Variants in SH3RF2 observed in about 807,000 individuals in gnomAD.
The protein encoded by SH3RF2 is E3 ubiquitin-protein ligase SH3RF2.
In SH3RF2, 43 loss-of-function variants were observed where a neutral mutation model predicts 59.0. That is an observed-to-expected ratio of 0.73 (90% CI 0.57 to 0.94). The LOEUF (loss-of-function observed/expected upper bound fraction) is 0.94, where lower values mean the gene tolerates loss of function less well. SH3RF2 is among the 40% of genes least tolerant of loss of function. The probability of loss-of-function intolerance (pLI) is 0.00; values close to 1 mark genes in which losing one functional copy is unlikely to be tolerated. For missense variants in SH3RF2, 930 were observed against 940.1 expected (o/e 0.99, Z 0.14); for synonymous variants, 391 against 391.5 (o/e 1.00, Z 0.01).
At chr5:146,013,639 G>A in intron 4 of SH3RF2, 108 bp from the exon 5 acceptor site, 1 of 1,136,108 alleles carries the variant, frequency 8.8e-7, no homozygotes, top group East Asian at 2.4e-5. Flanking sequence ...CTGAGCCAGT[G>A]ACTGAGGAGG....
intron 5 of SH3RF2, among the ~76,000 whole-genome samples, chr5:146,024,274 C>A (rs1416707586): frequency 6.6e-6 from 1 of 152,172 alleles, no homozygotes; most frequent in Non-Finnish European, 1.5e-5. Context: ...TTGCAGCCAT[C>A]CAATTGGGTG....
At chr5:145,972,304 A>C (rs1374506287) in intron 2 of SH3RF2, among the ~76,000 whole-genome samples, 2 of 152,236 alleles carry the variant, frequency 1.3e-5, no homozygotes, top group African/African-American at 4.8e-5. Flanking sequence ...AGGATGGGGA[A>C]TATTCCAGCA....
chr5:146,004,044 A>G lies in SH3RF2; in HGVS notation c.649-14A>G, dbSNP rs1360710353. Reference sequence around the variant, plus strand: ...AATGAGAGTAAATGCTGACCATGAGACTTTCTCTTTCAGGACGATATCATC... The same window carrying G: ...AATGAGAGTAAATGCTGACCATGAGGCTTTCTCTTTCAGGACGATATCATC... On this transcript the variant is annotated splice_polypyrimidine_tract_variant and intron_variant, in intron 3 of 9. Transcript: ENST00000359120. 1.9e-6 allele frequency: 3 copies of G among 1,609,248 alleles called. No homozygotes were observed. The highest frequency in any genetic ancestry group is 3.3e-5 in the Admixed American group (2 of 59,804).
At chr5:145,974,552 G>T (rs950355979) in intron 2 of SH3RF2, among the ~76,000 whole-genome samples, 1 of 152,286 alleles carries the variant, frequency 6.6e-6, no homozygotes, top group African/African-American at 2.4e-5. Context: ...TTATGAGCAA[G>T]GTACTGTGCC....
chr5:145,953,399 T>A (rs988781154), intron 2 of SH3RF2, among the ~76,000 whole-genome samples: 1 of 152,006 alleles, frequency 6.6e-6, no homozygotes, highest in African/African-American at 2.4e-5. Context: ...TTCTGGAAAC[T>A]GAGAGAAAAC....
Position 146,018,219 on chromosome 5 carries a change from A to G in SH3RF2, c.1059+4158A>G, listed in dbSNP as rs535942332. On this transcript the variant is annotated intron_variant, in intron 5 of 9. Transcript: ENST00000359120. ...ACCGGAGTAGCCTCCATTGTATCCA[A>G]TAGATAATTTTTCTTCCCTTAACCA... is the stretch of plus-strand genomic sequence containing the variant. Among the ~76,000 whole-genome samples the G allele has an allele frequency of 4.6e-5, 7 of 152,206 alleles. No individual in the cohort carries two copies. In the East Asian group the frequency reaches 9.7e-4, roughly 21 times the overall value.
intron 5 of SH3RF2, chr5:146,043,012 C>G (rs1380403904): frequency 6.6e-6 from 1 of 152,186 alleles, no homozygotes; most frequent in Non-Finnish European, 1.5e-5. Flanking sequence ...GGGAAAGGAA[C>G]CAGGGCCAGG....
chr5:145,951,618 G>T (rs1758195736), intron 2 of SH3RF2, among the ~76,000 whole-genome samples: 1 of 152,162 alleles, frequency 6.6e-6, no homozygotes, highest in Non-Finnish European at 1.5e-5. Context: ...CCAGTTTGGG[G>T]AAGTTTTCTG....
At chr5:145,958,974 C>T (rs1339430089) in intron 2 of SH3RF2, among the ~76,000 whole-genome samples, 10 of 152,176 alleles carry the variant, frequency 6.6e-5, no homozygotes, top group Admixed American at 6.5e-4. Flanking sequence ...CATGGTCTCA[C>T]AGTTTATGGC....
chr5:146,064,843 A>G (rs1427018796), downstream of SH3RF2, among the ~76,000 whole-genome samples: 3 of 16,116 alleles, frequency 1.9e-4, no homozygotes, highest in Admixed American at 2.8e-3. Context: ...AAAGAAAGAA[A>G]GAAAGAAAGA....
intron 2 of SH3RF2, among the ~76,000 whole-genome samples, chr5:145,976,543 T>C (rs1460365967): frequency 6.6e-6 from 1 of 152,048 alleles, no homozygotes; most frequent in Non-Finnish European, 1.5e-5. Flanking sequence ...ACTCCCTAAA[T>C]TGAAAGAAAG....
At chr5:146,005,871 A>AC (rs34750869) in intron 4 of SH3RF2, among the ~76,000 whole-genome samples, 1 of 151,068 alleles carries the variant, frequency 6.6e-6, no homozygotes, top group Admixed American at 6.6e-5. Context: ...AAAAAAAAAA[A>AC]GCTTAGCAAG....
chr5:145,938,063 A>T lies in SH3RF2; in HGVS notation c.135A>T (p.Lys45Asn). 2 of 1,614,238 alleles carry T rather than the reference A, an allele frequency of 1.2e-6. No individual in the cohort carries two copies. Among genetic ancestry groups the T allele is most frequent in the Non-Finnish European group, 1.7e-6 (2 of 1,180,032 alleles). Reference protein sequence around the residue: ...PCLQRVFKAHKELRCPECRTP... With the variant: ...PCLQRVFKAHNELRCPECRTP... ...TACAGAGGGTTTTCAAGGCCCACAA[A>T]GAGCTGCGGTGCCCCGAATGCAGGA... is the stretch of plus-strand genomic sequence containing the variant. The change falls in exon 2 of 10, where the codon AAA becomes AAT. Residue 45 changes from lysine (K) to asparagine (N), a missense_variant. By Grantham distance (94) the Lys-to-Asn change is moderately conservative (BLOSUM62 0). Transcript: ENST00000359120.
chr5:146,049,629 C>T (rs1038008313), intron 7 of SH3RF2, among the ~76,000 whole-genome samples: 2 of 152,030 alleles, frequency 1.3e-5, no homozygotes, highest in African/African-American at 2.4e-5. Flanking sequence ...CATCTAGTGG[C>T]GTGATGGGAA....
In SH3RF2 at chr5:146,062,546, G is replaced by C. The variant is rs769740741; in HGVS notation, c.2035G>C (p.Ala679Pro). 14 of 1,614,038 alleles carry C rather than the reference G, an allele frequency of 8.7e-6. No individual in the cohort carries two copies. In the East Asian group the frequency reaches 3.1e-4, roughly 36 times the overall value. Reference protein sequence around the residue: ...ATLKASQPEAASLGPEMTVLF... With the variant: ...ATLKASQPEAPSLGPEMTVLF... The stretch of plus-strand genomic sequence containing the variant: ...CCTCAAGGCGTCCCAGCCTGAAGCA[G>C]CGTCCTTGGGCCCAGAGATGACCGT... Residue 679 changes from alanine to proline, a missense_variant, in exon 10 of 10, where the codon GCG becomes CCG. By Grantham distance (27) the Ala-to-Pro change is conservative. Transcript: ENST00000359120.
chr5:146,079,622 A>G (rs1445310992), exon 10 of SH3RF2: 1 of 152,220 alleles, frequency 6.6e-6, no homozygotes, highest in Non-Finnish European at 1.5e-5. Context: ...CCATGAGCAG[A>G]GTAAGGATTG....
chr5:145,990,259 T>C (rs79256330), intron 2 of SH3RF2, among the ~76,000 whole-genome samples: 5,793 of 152,230 alleles, frequency 0.038, 358 homozygotes, highest in African/African-American at 0.13. Context: ...GGTTGGGAAA[T>C]ATCACCAATA....
intron 2 of SH3RF2, among the ~76,000 whole-genome samples, chr5:145,956,209 A>ATAGTCACC (rs1265181986): frequency 6.6e-6 from 1 of 152,222 alleles, no homozygotes; most frequent in Non-Finnish European, 1.5e-5. Flanking sequence ...AGCTGGAAGA[A>ATAGTCACC]TAGTCACTAA....
At chr5:145,977,410 G>C (rs1382844838) in intron 2 of SH3RF2, among the ~76,000 whole-genome samples, 2 of 152,144 alleles carry the variant, frequency 1.3e-5, no homozygotes, top group African/African-American at 2.4e-5. Flanking sequence ...AGTACTTACT[G>C]TATGCCAGGC....
Sources: allele counts gnomAD v4.1 joint callset (sites outside exome capture counted in the v4.1 genomes callset), GRCh38; gene constraint gnomAD v4.1.1; transcripts MANE v1.5; gene names NCBI Gene and HGNC (gene_info 2026-07-23, HGNC 2026-07-21).